Variants in FLRT2 observed in about 807,000 individuals in gnomAD.
FLRT2 encodes the protein fibronectin leucine rich transmembrane protein 2, also known as leucine-rich repeat transmembrane protein FLRT2.
Under a neutral mutation model 40.0 loss-of-function variants are expected in FLRT2, and 15 were observed. The ratio of observed to expected loss-of-function variants is 0.38; its 90% CI spans 0.25 to 0.58. FLRT2 has a LOEUF of 0.58. Among genes scored for constraint, FLRT2 ranks in the 20% least tolerant of loss-of-function variants. The pLI is 0.71. For synonymous variants in FLRT2, 380 were observed against 336.8 expected (o/e 1.13, Z -1.41); for missense variants, 726 against 840.0 (o/e 0.86, Z 1.68).
In FLRT2 at chr14:85,535,898, T is replaced by G. The variant is rs1195548290; in HGVS notation, c.-377+5364T>G. Among the ~76,000 whole-genome samples, 173 of 65,064 alleles carry G rather than the reference T, an allele frequency of 2.7e-3. 1 individual carries two copies. Among genetic ancestry groups the G allele is most frequent in the Non-Finnish European group, 3.3e-3 (113 of 34,446 alleles). The allele number at this position is 65,064 out of a possible 152,430, so 42.7% of individuals were successfully genotyped here. A position where few individuals can be genotyped will look rare whatever the true frequency, so the allele number is the denominator to read the frequency against. ...CTAGCATGGAAGGAATGCTGTTTTTTTTTTTTTTTTTTTTTTTTTTTTTGT... is the reference window on the plus strand; with the variant it reads ...CTAGCATGGAAGGAATGCTGTTTTTGTTTTTTTTTTTTTTTTTTTTTTTGT... On this transcript the variant is annotated intron_variant, in intron 1 of 1. Transcript: ENST00000330753.
intron 1 of FLRT2, among the ~76,000 whole-genome samples, chr14:85,555,188 G>T (rs757402780): frequency 6.6e-6 from 1 of 152,146 alleles, no homozygotes; most frequent in Non-Finnish European, 1.5e-5. Flanking sequence ...AGGCCAAAAA[G>T]GTTAGCAGTC....
rs1234638983 is a variant in FLRT2 at position 85,649,447 on chromosome 14, C to G, written c.*25950C>G. Reference sequence around the variant, plus strand: ...TGGATATGTGTGTCTTGAGGCAGAACTTAATTCAAAATTGTTCAGTGTTTT... The same window carrying G: ...TGGATATGTGTGTCTTGAGGCAGAAGTTAATTCAAAATTGTTCAGTGTTTT... On this transcript the variant is annotated 3_prime_UTR_variant, in exon 2 of 2. Transcript: ENST00000330753. The G allele has an allele frequency of 6.6e-6, 1 of 152,112 alleles. No homozygotes were observed. The highest frequency in any genetic ancestry group is 1.5e-5 in the Non-Finnish European group (1 of 67,994). 9.4% of individuals were successfully genotyped at this position (152,112 alleles called of 1,614,324 possible).
At position 85,598,090 on chromosome 14, in the gene FLRT2, A is replaced by G. The variant is rs74070167; in HGVS notation, c.-376-23049A>G. On this transcript the variant is annotated intron_variant, in intron 1 of 1. Coordinates refer to ENST00000330753, the MANE Select transcript of FLRT2 (RefSeq NM_013231.6). ...TCAAAACTGTCAATCTAGTCACTTCATATAGACACATCCCACATCTAATGA... is the reference window on the plus strand; with the variant it reads ...TCAAAACTGTCAATCTAGTCACTTCGTATAGACACATCCCACATCTAATGA... Among the ~76,000 whole-genome samples, 1,476 of 152,332 alleles carry G rather than the reference A, an allele frequency of 9.7e-3. 23 individuals carry two copies. Among genetic ancestry groups the G allele is most frequent in the African/African-American group, 0.033 (1,369 of 41,566 alleles).
chr14:85,607,089 T>C (rs1317805163), intron 1 of FLRT2, among the ~76,000 whole-genome samples: 2 of 152,014 alleles, frequency 1.3e-5, no homozygotes, highest in Admixed American at 1.3e-4. Flanking sequence ...CAAGAACCAG[T>C]TTTTATCCCG....
chr14:85,560,599 A>C (rs1463606086), intron 1 of FLRT2, among the ~76,000 whole-genome samples: 2 of 151,834 alleles, frequency 1.3e-5, no homozygotes, highest in Non-Finnish European at 2.9e-5. Flanking sequence ...ATAAATAAAT[A>C]AAAGAAATAA....
At chr14:85,592,518 T>C (rs1891936649) in intron 1 of FLRT2, among the ~76,000 whole-genome samples, 1 of 151,992 alleles carries the variant, frequency 6.6e-6, no homozygotes, top group Non-Finnish European at 1.5e-5. Context: ...CCGGGTGCAG[T>C]GGCGCAACGG....
At position 85,646,802 on chromosome 14, in the gene FLRT2, G is replaced by A. The variant is rs1894318190; in HGVS notation, c.*23305G>A. 2 of 152,174 alleles carry A rather than the reference G, an allele frequency of 1.3e-5. No individual in the cohort carries two copies. Among genetic ancestry groups the A allele is most frequent in the Non-Finnish European group, 2.9e-5 (2 of 68,128 alleles). 9.4% of individuals were successfully genotyped at this position (152,174 alleles called of 1,614,324 possible). ...CAGCTAATTTTTGTTTTTTTTGGTAGAGATGGGGTTTCACCATGTTGGCCA... is the reference window on the plus strand; with the variant it reads ...CAGCTAATTTTTGTTTTTTTTGGTAAAGATGGGGTTTCACCATGTTGGCCA... On this transcript the variant is annotated 3_prime_UTR_variant, in exon 2 of 2. Transcript: ENST00000330753.
chr14:85,588,589 CTT>C (rs1242400999), intron 1 of FLRT2, among the ~76,000 whole-genome samples: 3 of 152,068 alleles, frequency 2.0e-5, no homozygotes, highest in Non-Finnish European at 4.4e-5. Flanking sequence ...TATCCATCCT[CTT>C]AAGGATTTAT....
intron 1 of FLRT2, 89 bp from the exon 2 acceptor site, chr14:85,621,050 C>A (rs975344699): frequency 1.3e-5 from 2 of 159,784 alleles, no homozygotes; most frequent in African/African-American, 4.8e-5. Flanking sequence ...ATCCCAATCT[C>A]GTTGTTTTTG....
rs1042093965 is a variant in FLRT2, at chr14:85,626,152, C to T, written c.*2655C>T. 1 of 167,106 alleles carries T rather than the reference C, an allele frequency of 6.0e-6. No individual in the cohort carries two copies. The highest frequency in any genetic ancestry group is 1.5e-5 in the Non-Finnish European group (1 of 68,134). The allele number at this position is 167,106 out of a possible 1,614,324, so 10.4% of individuals were successfully genotyped here. A position where few individuals can be genotyped will look rare whatever the true frequency, so the allele number is the denominator to read the frequency against. ...CGTCTCCCATTTGTTACAGCCTCAC[C>T]TGCACCAGGATAGAAAGCACGTGAT... is the stretch of plus-strand genomic sequence containing the variant. On this transcript the variant is annotated 3_prime_UTR_variant, in exon 2 of 2. Transcript: ENST00000330753.
Position 85,637,183 on chromosome 14 carries a change from A to G in FLRT2, c.*13686A>G, listed in dbSNP as rs1468560970. ...AAGTGTAATTTATAAACTATAAAAA[A>G]TTTTCATCTAGACAAAGAAGTTATT... On this transcript the variant is annotated 3_prime_UTR_variant, in exon 2 of 2. Coordinates refer to ENST00000330753, the MANE Select transcript of FLRT2 (RefSeq NM_013231.6). 1.3e-5 allele frequency: 2 copies of G among 152,182 alleles called. No homozygotes were observed. The highest frequency in any genetic ancestry group is 1.9e-4 in the East Asian group (1 of 5,192). 9.4% of individuals were successfully genotyped at this position (152,182 alleles called of 1,614,324 possible). A position where few individuals can be genotyped will look rare whatever the true frequency, so the allele number is the denominator to read the frequency against.
chr14:85,602,563 T>C (rs760957993), intron 1 of FLRT2, among the ~76,000 whole-genome samples: 1 of 152,220 alleles, frequency 6.6e-6, no homozygotes, highest in Non-Finnish European at 1.5e-5. Context: ...AGTAGCTGAA[T>C]GGAGTTCTAT....
At chr14:85,599,642 G>A (rs1892296597) in intron 1 of FLRT2, among the ~76,000 whole-genome samples, 1 of 152,120 alleles carries the variant, frequency 6.6e-6, no homozygotes, top group Non-Finnish European at 1.5e-5. Context: ...TTGTACCTTA[G>A]CCATTAATTA....
At chr14:85,543,472 C>A (rs2139813106) in intron 1 of FLRT2, among the ~76,000 whole-genome samples, 1 of 152,120 alleles carries the variant, frequency 6.6e-6, no homozygotes, top group African/African-American at 2.4e-5. Flanking sequence ...TTCTCCCCAC[C>A]ATCAGTGTCC....
chr14:85,587,377 A>G (rs1891670386), intron 1 of FLRT2, among the ~76,000 whole-genome samples: 1 of 152,032 alleles, frequency 6.6e-6, no homozygotes, highest in East Asian at 1.9e-4. Flanking sequence ...AATAGCGCCA[A>G]AGAATTCCTA....
In FLRT2 at chr14:85,622,476, T is replaced by A. The variant is rs1893441971; in HGVS notation, c.962T>A (p.Val321Asp). ...PWFCDCSIKW[V>D]TEWLKYIPSS... ...TTTTGTGACTGCAGTATTAAATGGGTCACAGAATGGCTCAAATATATCCCT... is the reference window on the plus strand; with the variant it reads ...TTTTGTGACTGCAGTATTAAATGGGACACAGAATGGCTCAAATATATCCCT... The change falls in exon 2 of 2, where the codon GTC (valine) becomes GAC (aspartate). Residue 321 changes from valine (V) to aspartate (D), a missense_variant. This residue lies in a region of FLRT2 where 611 missense variants were observed against 690.0 expected (regional missense o/e 0.89). Transcript: ENST00000330753. 6.2e-7 allele frequency: 1 copy of A among 1,613,976 alleles called. No homozygotes were observed. The highest frequency in any genetic ancestry group is 1.7e-5 in the Admixed American group (1 of 59,988).
rs397853459 is a variant in FLRT2 at position 85,636,929 on chromosome 14, CAAAAAAAAAAAAAAAA to C, written c.*13442_*13457del. On this transcript the variant is annotated 3_prime_UTR_variant, in exon 2 of 2. Coordinates refer to ENST00000330753, the MANE Select transcript of FLRT2 (RefSeq NM_013231.6). ...GGGTGACAGAGCGATACTTCGTCTC[CAAAAAAAAAAAAAAAA>C]AAAAAAAAAGAGAGAGACTAACATT... The C allele has an allele frequency of 2.3e-4, 9 of 38,636 alleles. 1 individual carries two copies. The highest frequency in any genetic ancestry group is 8.1e-4 in the African/African-American group (9 of 11,130). 2.4% of individuals were successfully genotyped at this position (38,636 alleles called of 1,614,324 possible).
At chr14:85,533,825 C>T (rs1204755919) in intron 1 of FLRT2, among the ~76,000 whole-genome samples, 1 of 151,624 alleles carries the variant, frequency 6.6e-6, no homozygotes, top group South Asian at 2.1e-4. Context: ...CTCCGGCCTC[C>T]GCACCCCCGC....
At chr14:85,538,319 A>G (rs988837) in intron 1 of FLRT2, among the ~76,000 whole-genome samples, 134,140 of 152,108 alleles carry the variant, frequency 0.88, 59,742 homozygotes, top group Middle Eastern at 0.95. Flanking sequence ...AACACTGGTC[A>G]GTTATTCTGC....
Sources: allele counts gnomAD v4.1 joint callset (sites outside exome capture counted in the v4.1 genomes callset), GRCh38; gene constraint gnomAD v4.1.1; regional missense constraint gnomAD v4.1.1; transcripts MANE v1.5; gene names NCBI Gene and HGNC (gene_info 2026-07-23, HGNC 2026-07-21).